Variants in EFHD1 observed in about 807,000 individuals in gnomAD.
The protein encoded by EFHD1 is EF-hand domain family member D1.
In EFHD1, 10 loss-of-function variants were observed where a neutral mutation model predicts 17.2. That is an observed-to-expected ratio of 0.58 (90% CI 0.36 to 0.99). The LOEUF (loss-of-function observed/expected upper bound fraction) is 0.99, where lower values mean the gene tolerates loss of function less well. Among genes scored for constraint, EFHD1 ranks in the 50% least tolerant of loss-of-function variants. The pLI is 0.01. For synonymous variants in EFHD1, 153 were observed against 142.0 expected (o/e 1.08, Z -0.55); for missense variants, 310 against 327.5 (o/e 0.95, Z 0.41).
At chr2:232,611,429 T>C (rs895888380) in intron 1 of EFHD1, 2 of 151,806 alleles carry the variant, frequency 1.3e-5, no homozygotes, top group African/African-American at 2.4e-5. Context: ...GCCATGGGAG[T>C]TCTCATCATC....
chr2:232,607,780 TA>T (rs891715937), intron 1 of EFHD1, among the ~76,000 whole-genome samples: 8 of 108,170 alleles, frequency 7.4e-5, no homozygotes, highest in East Asian at 2.1e-4. Flanking sequence ...AAATACAGGC[TA>T]AAATTTTTTT....
At chr2:232,627,482 G>A (rs1309646549) in intron 1 of EFHD1, among the ~76,000 whole-genome samples, 2 of 152,084 alleles carry the variant, frequency 1.3e-5, no homozygotes, top group Non-Finnish European at 2.9e-5. Context: ...TATCAAAGAA[G>A]AATATCCACC....
chr2:232,676,317 T>G (rs1481453551), intron 3 of EFHD1, among the ~76,000 whole-genome samples: 5 of 152,336 alleles, frequency 3.3e-5, no homozygotes, highest in Admixed American at 6.5e-5. Flanking sequence ...AAGGCCATCA[T>G]GTTGGTTGCA....
chr2:232,633,367 C>A (rs537129842), upstream of EFHD1: 47 of 852,902 alleles, frequency 5.5e-5, no homozygotes, highest in African/African-American at 8.0e-4. Flanking sequence ...CGGAGTTGAT[C>A]CGAGGGTCCC....
At chr2:232,620,146 CG>C (rs980516996) in intron 1 of EFHD1, among the ~76,000 whole-genome samples, 3 of 150,876 alleles carry the variant, frequency 2.0e-5, no homozygotes, top group Non-Finnish European at 4.4e-5. Flanking sequence ...CCTAGCACTT[CG>C]GGAGGCTGAG....
chr2:232,626,104 A>G (rs927125537), intron 1 of EFHD1, among the ~76,000 whole-genome samples: 16 of 152,046 alleles, frequency 1.1e-4, no homozygotes, highest in African/African-American at 3.4e-4. Flanking sequence ...AGGTAGGAGG[A>G]TTGCTTGATC....
At chr2:232,669,579 T>C (rs1207988601) in intron 2 of EFHD1, among the ~76,000 whole-genome samples, 1 of 150,706 alleles carries the variant, frequency 6.6e-6, no homozygotes, top group Non-Finnish European at 1.5e-5. Context: ...CTTTAAGTAG[T>C]GTTCTTTTCC....
At chr2:232,652,742 C>G (rs1694682801) in intron 1 of EFHD1, among the ~76,000 whole-genome samples, 1 of 152,048 alleles carries the variant, frequency 6.6e-6, no homozygotes, top group Admixed American at 6.6e-5. Context: ...GTGCAGTTCC[C>G]TAGGTAGACA....
At chr2:232,645,689 A>C (rs1453718567) in intron 1 of EFHD1, among the ~76,000 whole-genome samples, 1 of 152,100 alleles carries the variant, frequency 6.6e-6, no homozygotes, top group Admixed American at 6.6e-5. Flanking sequence ...TAACAGCCCC[A>C]CTGACTGTGT....
intron 1 of EFHD1, among the ~76,000 whole-genome samples, chr2:232,618,962 G>A (rs13417300): frequency 0.22 from 32,691 of 151,668 alleles, 4,088 homozygotes; most frequent in East Asian, 0.58. Context: ...TGACCAACAT[G>A]GTGAAACACC....
intron 1 of EFHD1, among the ~76,000 whole-genome samples, chr2:232,617,823 C>T (rs1430121903): frequency 4.6e-5 from 7 of 151,168 alleles, no homozygotes; most frequent in Non-Finnish European, 8.8e-5. Context: ...GTGGTGGGTG[C>T]CTGTAATCCC....
At chr2:232,629,225 A>C (rs1694159365), upstream of EFHD1, among the ~76,000 whole-genome samples, 1 of 152,200 alleles carries the variant, frequency 6.6e-6, no homozygotes, top group Non-Finnish European at 1.5e-5. Context: ...CAGCAATAGA[A>C]CTGAACAAGA....
intron 3 of EFHD1, among the ~76,000 whole-genome samples, chr2:232,680,992 G>T (rs1695269619): frequency 6.6e-6 from 1 of 150,836 alleles, no homozygotes; most frequent in East Asian, 2.0e-4. Context: ...TGTAAATTTT[G>T]TAAAAATACA....
chr2:232,614,714 G>A (rs1574699363), intron 1 of EFHD1, among the ~76,000 whole-genome samples: 1 of 152,180 alleles, frequency 6.6e-6, no homozygotes, highest in East Asian at 1.9e-4. Context: ...AGTGGCTAAT[G>A]CCTGTAATCC....
chr2:232,638,157 C>A (rs1694351890), intron 1 of EFHD1: 2 of 338,538 alleles, frequency 5.9e-6, no homozygotes, highest in Admixed American at 3.8e-5. Flanking sequence ...CAGCGTGTAT[C>A]CGTGGCTGTA....
chr2:232,619,527 T>A (rs1417379708), intron 1 of EFHD1, among the ~76,000 whole-genome samples: 2 of 151,960 alleles, frequency 1.3e-5, no homozygotes, highest in Non-Finnish European at 2.9e-5. Flanking sequence ...GCCAGGCTGG[T>A]CTCAAACTCC....
chr2:232,634,198 A>C (rs1413350404), intron 1 of EFHD1, among the ~76,000 whole-genome samples, 192 bp downstream of exon 1: 1 of 151,676 alleles, frequency 6.6e-6, no homozygotes, highest in Non-Finnish European at 1.5e-5. Flanking sequence ...AAGAGGGGGG[A>C]CACCAGGAGC....
At chr2:232,676,632 G>A (rs1386674537) in intron 3 of EFHD1, among the ~76,000 whole-genome samples, 1 of 152,182 alleles carries the variant, frequency 6.6e-6, no homozygotes, top group Non-Finnish European at 1.5e-5. Context: ...AATAAGGCAG[G>A]AAGTGGGTGC....
chr2:232,647,350 C>G (rs1406315315), intron 1 of EFHD1, among the ~76,000 whole-genome samples: 2 of 152,238 alleles, frequency 1.3e-5, no homozygotes, highest in South Asian at 4.1e-4. Context: ...GCCTGGCGCC[C>G]TGTAGTCCGC....
Sources: allele counts gnomAD v4.1 joint callset (sites outside exome capture counted in the v4.1 genomes callset), GRCh38; gene constraint gnomAD v4.1.1; transcripts MANE v1.5; gene names NCBI Gene and HGNC (gene_info 2026-07-23, HGNC 2026-07-21).